Variants in BCO1 observed in about 807,000 individuals in gnomAD.
BCO1 encodes the protein beta,beta-carotene 15,15'-dioxygenase.
A neutral mutation model predicts 56.3 loss-of-function variants in BCO1; 54 were observed. The ratio of observed to expected loss-of-function variants is 0.96; its 90% CI spans 0.77 to 1.20. The LOEUF (loss-of-function observed/expected upper bound fraction) is 1.20, where lower values mean the gene tolerates loss of function less well. Ranked by LOEUF, BCO1 falls within the 50% of genes most tolerant of loss-of-function variation. The probability of loss-of-function intolerance (pLI) is 0.00; values close to 1 mark genes in which losing one functional copy is unlikely to be tolerated. For synonymous variants in BCO1, 318 were observed against 266.1 expected (o/e 1.20, Z -1.90); for missense variants, 801 against 690.9 (o/e 1.16, Z -1.79).
chr16:81,270,176 C>T lies in BCO1; in HGVS notation c.861C>T (p.Ile287=), dbSNP rs747012263. Residue 287 remains isoleucine (I), a synonymous_variant, in exon 7 of 11, where the codon ATC becomes ATT. Coordinates refer to ENST00000258168, the MANE Select transcript of BCO1 (RefSeq NM_017429.3). Reference sequence around the variant, plus strand: ...TTTTTCAGACTTATATCCACATCATCGACCAAAGGACCAGGCAGCCTGTGC... The same window carrying T: ...TTTTTCAGACTTATATCCACATCATTGACCAAAGGACCAGGCAGCCTGTGC... The part of the protein sequence containing the change: ...HREEKTYIHI[I]DQRTRQPVQT... 6.8e-6 allele frequency: 11 copies of T among 1,614,150 alleles called. No individual in the cohort carries two copies. The highest frequency in any genetic ancestry group is 1.7e-5 in the Admixed American group (1 of 60,010).
At chr16:81,276,985 C>T (rs1007592220) in intron 7 of BCO1, among the ~76,000 whole-genome samples, 4 of 145,468 alleles carry the variant, frequency 2.7e-5, no homozygotes, top group African/African-American at 1.0e-4. Context: ...GGGAACTGCT[C>T]GAACCCGGGA....
intron 8 of BCO1, among the ~76,000 whole-genome samples, chr16:81,283,396 C>T (rs1051855420): frequency 6.6e-6 from 1 of 151,744 alleles, no homozygotes; most frequent in African/African-American, 2.4e-5. Context: ...TTGAGACCAG[C>T]CTGGACAACA....
At chr16:81,288,762 C>G (rs1908316991) in intron 10 of BCO1, among the ~76,000 whole-genome samples, 1 of 152,198 alleles carries the variant, frequency 6.6e-6, no homozygotes, top group Non-Finnish European at 1.5e-5. Flanking sequence ...GTAACTAGAA[C>G]CATAGGTGGG....
chr16:81,278,647 A>G lies in BCO1; in HGVS notation c.1102-2210A>G, dbSNP rs548046059. Among the ~76,000 whole-genome samples the G allele has an allele frequency of 8.5e-5, 13 of 152,258 alleles. No homozygotes were observed. In the South Asian group the frequency reaches 2.1e-3, roughly 24 times the overall value. On this transcript the variant is annotated intron_variant, in intron 7 of 10. Coordinates refer to ENST00000258168, the MANE Select transcript of BCO1 (RefSeq NM_017429.3). ...TGCCTTGGAGACACTGCAGATTCCAATGGAGTTGTTAGGGAAGGGGTGTTT... is the reference window on the plus strand; with the variant it reads ...TGCCTTGGAGACACTGCAGATTCCAGTGGAGTTGTTAGGGAAGGGGTGTTT...
chr16:81,288,714 G>A (rs1369378551), intron 10 of BCO1, among the ~76,000 whole-genome samples: 1 of 152,210 alleles, frequency 6.6e-6, no homozygotes, highest in African/African-American at 2.4e-5. Flanking sequence ...AAATGCTTCA[G>A]AAATGCCCTG....
chr16:81,262,081 T>G, intron 3 of BCO1, 55 bp from the exon 4 acceptor site: 1 of 1,596,644 alleles, frequency 6.3e-7, no homozygotes, highest in Non-Finnish European at 8.6e-7. Context: ...AAGGATAGAC[T>G]TCTCTGGCTG....
At chr16:81,269,890 A>G (rs1230065487) in intron 6 of BCO1, among the ~76,000 whole-genome samples, 3 of 152,116 alleles carry the variant, frequency 2.0e-5, no homozygotes, top group Non-Finnish European at 4.4e-5. Context: ...GTCTCTCCAA[A>G]CACTGTCCTC....
At chr16:81,245,150 C>G (rs1033442627) in intron 1 of BCO1, among the ~76,000 whole-genome samples, 21 of 152,148 alleles carry the variant, frequency 1.4e-4, no homozygotes, top group African/African-American at 5.1e-4. Context: ...CCTAGGCTTC[C>G]CAAAGTGCTG....
intron 9 of BCO1, among the ~76,000 whole-genome samples, chr16:81,286,364 C>A (rs1045057436): frequency 6.6e-6 from 1 of 152,056 alleles, no homozygotes; most frequent in East Asian, 1.9e-4. Flanking sequence ...AAGCCTCCAC[C>A]CCTCCATACC....
intron 2 of BCO1, among the ~76,000 whole-genome samples, chr16:81,250,608 T>C (rs1905733007): frequency 7.9e-6 from 1 of 126,882 alleles, no homozygotes; most frequent in Non-Finnish European, 1.6e-5. Flanking sequence ...TGAGATGGAG[T>C]CTCACTGTGT....
At chr16:81,246,850 CA>C (rs71710906) in intron 2 of BCO1, among the ~76,000 whole-genome samples, 1,890 of 83,330 alleles carry the variant, frequency 0.023, 31 homozygotes, top group Middle Eastern at 0.044. Flanking sequence ...GACTTTGTCT[CA>C]AAAAAAAAAA....
chr16:81,281,915 C>T (rs1907904796), intron 8 of BCO1, among the ~76,000 whole-genome samples: 1 of 152,220 alleles, frequency 6.6e-6, no homozygotes, highest in Non-Finnish European at 1.5e-5. Flanking sequence ...GAACTTCTGC[C>T]CCAGAATATA....
chr16:81,271,070 T>C (rs957946893), intron 7 of BCO1, among the ~76,000 whole-genome samples: 3 of 151,542 alleles, frequency 2.0e-5, no homozygotes, highest in African/African-American at 7.3e-5. Context: ...AACAGCTTTA[T>C]TGAGATGTAA....
At chr16:81,282,324 A>G (rs1235858804) in intron 8 of BCO1, among the ~76,000 whole-genome samples, 2 of 152,140 alleles carry the variant, frequency 1.3e-5, no homozygotes, top group South Asian at 2.1e-4. Flanking sequence ...GGCAGAGCAG[A>G]GAGCTGAGAT....
chr16:81,259,865 A>C, intron 3 of BCO1, 60 bp downstream of exon 3: 2 of 1,600,940 alleles, frequency 1.2e-6, no homozygotes, highest in Non-Finnish European at 8.6e-7. Context: ...TGATGGCTGA[A>C]ATAACCAGCA....
Position 81,285,561 on chromosome 16 carries a change from A to G in BCO1, c.1229A>G (p.Asn410Ser), listed in dbSNP as rs1302022865. The G allele has an allele frequency of 5.0e-6, 8 of 1,613,580 alleles. No individual in the cohort carries two copies. Among genetic ancestry groups the G allele is most frequent in the Non-Finnish European group, 6.8e-6 (8 of 1,179,620 alleles). Reference sequence around the variant, plus strand: ...GTAGGCTTAGAGCTTCCACGGGTCAATTATGCTCACAATGGAAAGCAATAC... The same window carrying G: ...GTAGGCTTAGAGCTTCCACGGGTCAGTTATGCTCACAATGGAAAGCAATAC... ...LYEGLELPRV[N>S]YAHNGKQYRY... is the part of the protein sequence containing the mutation. Residue 410 changes from asparagine (N) to serine (S), a missense_variant, in exon 9 of 11, where the codon AAT (asparagine) becomes AGT (serine). Coordinates refer to ENST00000258168, the MANE Select transcript of BCO1 (RefSeq NM_017429.3).
intron 2 of BCO1, among the ~76,000 whole-genome samples, chr16:81,254,507 C>A (rs1378657216): frequency 6.6e-6 from 1 of 150,766 alleles, no homozygotes; most frequent in Non-Finnish European, 1.5e-5. Flanking sequence ...ATCTCGAACA[C>A]CTAGCCTCAC....
chr16:81,280,875 A>T lies in BCO1; in HGVS notation c.1120A>T (p.Asn374Tyr). ...TTTTCAGAATGCAGAAGTGGGCACAAATTTAATCAAAGTGGCATCTACAAC... is the reference window on the plus strand; with the variant it reads ...TTTTCAGAATGCAGAAGTGGGCACATATTTAATCAAAGTGGCATCTACAAC... ...HVDKNAEVGT[N>Y]LIKVASTTAT... Residue 374 changes from asparagine to tyrosine, a missense_variant, in exon 8 of 11, where the codon AAT becomes TAT. Asn to Tyr is a moderately radical substitution (Grantham distance 143). Coordinates refer to ENST00000258168, the MANE Select transcript of BCO1 (RefSeq NM_017429.3). 1 of 1,613,988 alleles carries T rather than the reference A, an allele frequency of 6.2e-7. No individual in the cohort carries two copies. The highest frequency in any genetic ancestry group is 8.5e-7 in the Non-Finnish European group (1 of 1,179,868).
At chr16:81,261,755 T>TC (rs1906493937) in intron 3 of BCO1, among the ~76,000 whole-genome samples, 2 of 151,900 alleles carry the variant, frequency 1.3e-5, no homozygotes, top group South Asian at 4.2e-4. Flanking sequence ...TTTTTTTTTT[T>TC]CTTTGAGACA....
Sources: gnomAD v4.1 joint callset for allele counts (sites outside exome capture counted in the v4.1 genomes callset) on GRCh38, gnomAD v4.1.1 for gene constraint, MANE v1.5 for transcripts, NCBI Gene and HGNC (gene_info 2026-07-23, HGNC 2026-07-21) for gene names.